Variants in STON1 observed in about 807,000 individuals in gnomAD.
STON1 encodes stonin 1, also known as stonin-1.
In STON1, 79 loss-of-function variants were observed where a neutral mutation model predicts 60.9. The observed-to-expected ratio is 1.30, with a 90% CI of 1.08 to 1.56. The LOEUF (loss-of-function observed/expected upper bound fraction) is 1.56. Among genes scored for constraint, STON1 ranks in the 40% most tolerant of loss-of-function variants. The pLI, the probability that STON1 is intolerant of heterozygous loss-of-function variation, is 0.00. For missense variants in STON1, 1,166 were observed against 858.9 expected, an observed-to-expected ratio of 1.36 and a Z score of -4.47; for synonymous variants, 363 against 306.9, an observed-to-expected ratio of 1.18 and a Z score of -1.91.
rs1053170449 is a variant in STON1 at position 48,596,358 on chromosome 2, A to G, written c.*1056A>G. 1 of 152,228 alleles carries G rather than the reference A, an allele frequency of 6.6e-6. No individual in the cohort carries two copies. Among genetic ancestry groups the G allele is most frequent in the Non-Finnish European group, 1.5e-5 (1 of 68,024 alleles). The allele number at this position is 152,228 out of a possible 1,614,324, so 9.4% of individuals were successfully genotyped here. On this transcript the variant is annotated 3_prime_UTR_variant, in exon 4 of 4. Transcript: ENST00000404752. ...ACATTTTTATTCTTCAGAGTCAGGT[A>G]AATGACTATAATAGTTTGGTTTCTA...
chr2:48,546,996 G>A (rs933493745), intron 1 of STON1, among the ~76,000 whole-genome samples: 2 of 152,198 alleles, frequency 1.3e-5, no homozygotes, highest in Non-Finnish European at 2.9e-5. Flanking sequence ...TGCTTAGTGA[G>A]TTTCTGTTGA....
At chr2:48,559,586 T>G (rs765002533) in intron 1 of STON1, among the ~76,000 whole-genome samples, 5 of 152,176 alleles carry the variant, frequency 3.3e-5, no homozygotes, top group Non-Finnish European at 5.9e-5. Flanking sequence ...ATCCAGAGCA[T>G]AAACGTAACT....
rs182340164 is a variant in STON1, at chr2:48,539,439, A to G, written c.-48+9223A>G. On this transcript the variant is annotated intron_variant, in intron 1 of 3. Coordinates refer to ENST00000404752, the MANE Select transcript of STON1 (RefSeq NM_006873.4). ...TAAATTTATTTAAATCTATAAATTT[A>G]CCTCTAAATACTGCTTTAGCTACAT... 3.3e-3 allele frequency among the ~76,000 whole-genome samples: 509 copies of G among 152,202 alleles called. 1 individual carries two copies. The highest frequency in any genetic ancestry group is 5.3e-3 in the Non-Finnish European group (360 of 68,018).
At chr2:48,541,123 G>A (rs1161664281) in intron 1 of STON1, among the ~76,000 whole-genome samples, 1 of 152,122 alleles carries the variant, frequency 6.6e-6, no homozygotes, top group Non-Finnish European at 1.5e-5. Context: ...GCTGAGGCGG[G>A]CAGATAGCTT....
intron 1 of STON1, among the ~76,000 whole-genome samples, chr2:48,570,328 A>G (rs1299678516): frequency 6.6e-6 from 1 of 152,046 alleles, no homozygotes; most frequent in Non-Finnish European, 1.5e-5. Flanking sequence ...AGTGAGACTC[A>G]GTCTCAAATT....
At chr2:48,547,485 G>T (rs559826681) in intron 1 of STON1, among the ~76,000 whole-genome samples, 2 of 152,350 alleles carry the variant, frequency 1.3e-5, no homozygotes, top group Admixed American at 1.3e-4. Context: ...GCATGGCCAG[G>T]ATGAGAAGCC....
At chr2:48,588,966 G>T (rs1027321646) in intron 2 of STON1, among the ~76,000 whole-genome samples, 6 of 152,110 alleles carry the variant, frequency 3.9e-5, no homozygotes, top group Non-Finnish European at 8.8e-5. Context: ...TGGGGTGATA[G>T]AGAGAGAAAG....
At chr2:48,535,570 C>T (rs976285335) in intron 1 of STON1, among the ~76,000 whole-genome samples, 7 of 152,168 alleles carry the variant, frequency 4.6e-5, no homozygotes, top group East Asian at 1.9e-4. Flanking sequence ...TTCAGCTGGG[C>T]GCAGTGGCTC....
At position 48,596,630 on chromosome 2, in the gene STON1, C is replaced by T. The variant is rs1674792351; in HGVS notation, c.*1328C>T. On this transcript the variant is annotated 3_prime_UTR_variant, in exon 4 of 4. Transcript: ENST00000404752. ...AGTCAAAACTGATTTAGTGTTCTTC[C>T]AAACAACATTTATGTGTTGGCCTAC... 1 of 152,014 alleles carries T rather than the reference C, an allele frequency of 6.6e-6. No homozygotes were observed. The highest frequency in any genetic ancestry group is 1.5e-5 in the Non-Finnish European group (1 of 67,998). The allele number at this position is 152,014 out of a possible 1,614,324, so 9.4% of individuals were successfully genotyped here.
chr2:48,553,208 T>C (rs1672173602), intron 1 of STON1, among the ~76,000 whole-genome samples: 1 of 152,148 alleles, frequency 6.6e-6, no homozygotes, highest in African/African-American at 2.4e-5. Context: ...AGTCTTCCTC[T>C]TGATGGAAGA....
intron 3 of STON1, among the ~76,000 whole-genome samples, chr2:48,592,774 A>G (rs1674596638): frequency 6.6e-6 from 1 of 151,172 alleles, no homozygotes; most frequent in African/African-American, 2.4e-5. Flanking sequence ...TGGTAGCTTA[A>G]AGTTTTATTT....
chr2:48,538,225 G>A (rs1415283856), intron 1 of STON1, among the ~76,000 whole-genome samples: 1 of 152,106 alleles, frequency 6.6e-6, no homozygotes, highest in African/African-American at 2.4e-5. Flanking sequence ...CCAAAGTGCT[G>A]GGATTACAGG....
At chr2:48,553,814 C>T (rs1050466934) in intron 1 of STON1, among the ~76,000 whole-genome samples, 7 of 152,062 alleles carry the variant, frequency 4.6e-5, no homozygotes, top group African/African-American at 1.7e-4. Flanking sequence ...GAGAATTGAT[C>T]CTCGTAGATT....
chr2:48,538,179 G>C (rs1270409089), intron 1 of STON1, among the ~76,000 whole-genome samples: 1 of 152,022 alleles, frequency 6.6e-6, no homozygotes, highest in Non-Finnish European at 1.5e-5. Context: ...GGATGGTCTT[G>C]AACTCCTGCT....
At chr2:48,587,703 C>A (rs1046566547) in intron 2 of STON1, among the ~76,000 whole-genome samples, 3 of 152,136 alleles carry the variant, frequency 2.0e-5, no homozygotes, top group African/African-American at 7.2e-5. Context: ...TTTGTAAAAC[C>A]GTCATATCAC....
chr2:48,584,303 T>G (rs1674073094), intron 2 of STON1, among the ~76,000 whole-genome samples: 1 of 152,086 alleles, frequency 6.6e-6, no homozygotes, highest in Non-Finnish European at 1.5e-5. Flanking sequence ...AGATGGAGTC[T>G]TACTCTGTTG....
intron 1 of STON1, among the ~76,000 whole-genome samples, chr2:48,572,260 G>A (rs951404526): frequency 2.0e-5 from 3 of 152,178 alleles, no homozygotes; most frequent in African/African-American, 7.2e-5. Flanking sequence ...TCGACAATGG[G>A]GAATCAGAGC....
intron 1 of STON1, among the ~76,000 whole-genome samples, chr2:48,566,197 A>T (rs1319078756): frequency 6.6e-6 from 1 of 152,140 alleles, no homozygotes; most frequent in African/African-American, 2.4e-5. Context: ...TTTTTTTGAG[A>T]TGGAGTTTCA....
intron 1 of STON1, chr2:48,569,076 A>G (rs1478034270): frequency 3.3e-5 from 5 of 152,220 alleles, no homozygotes; most frequent in African/African-American, 1.2e-4. Flanking sequence ...TTACTGGTCG[A>G]GCAACTTTAG....
Sources: gnomAD v4.1 joint callset for allele counts (sites outside exome capture counted in the v4.1 genomes callset) on GRCh38, gnomAD v4.1.1 for gene constraint, MANE v1.5 for transcripts, NCBI Gene and HGNC (gene_info 2026-07-23, HGNC 2026-07-21) for gene names.